LUZP2: variants seen among roughly 807,000 people sequenced by gnomAD.
LUZP2 encodes the protein leucine zipper protein 2.
A neutral mutation model predicts 51.6 loss-of-function variants in LUZP2; 52 were observed. The ratio of observed to expected loss-of-function variants is 1.01; its 90% CI spans 0.81 to 1.27. The LOEUF (loss-of-function observed/expected upper bound fraction) is 1.27. Ranked by LOEUF, LUZP2 falls within the 50% of genes most tolerant of loss-of-function variation. The pLI, the probability that LUZP2 is intolerant of heterozygous loss-of-function variation, is 0.00. For synonymous variants in LUZP2, 154 were observed against 137.3 expected, an observed-to-expected ratio of 1.12 and a Z score of -0.85; for missense variants, 436 against 395.4, an observed-to-expected ratio of 1.10 and a Z score of -0.87.
At position 25,040,343 on chromosome 11, in the gene LUZP2, A is replaced by ATTTTTT. The variant is rs57668112; in HGVS notation, c.766-9680_766-9675dup. On this transcript the variant is annotated intron_variant, in intron 9 of 11. Transcript: ENST00000336930. The stretch of plus-strand genomic sequence containing the variant: ...AGAGAGCCACTTTTCTTTCTTTCCG[A>ATTTTTT]TTTTTTTTTTTTTTTTTTTTGCCAA... Among the ~76,000 whole-genome samples, 50 of 98,816 alleles carry ATTTTTT rather than the reference A, an allele frequency of 5.1e-4. 9 individuals carry two copies. Among genetic ancestry groups the ATTTTTT allele is most frequent in the East Asian group, 4.5e-3 (19 of 4,196 alleles). The allele number at this position is 98,816 out of a possible 152,430, so 64.8% of individuals were successfully genotyped here.
At chr11:24,766,598 A>G (rs1029968123) in intron 5 of LUZP2, among the ~76,000 whole-genome samples, 3 of 152,174 alleles carry the variant, frequency 2.0e-5, no homozygotes, top group Admixed American at 6.5e-5. Flanking sequence ...TTTAAGAAAA[A>G]TCTGCATCAA....
intron 1 of LUZP2, among the ~76,000 whole-genome samples, chr11:24,562,863 CAAA>C (rs35383666): frequency 3.1e-4 from 36 of 115,538 alleles, no homozygotes; most frequent in Non-Finnish European, 3.1e-4. Flanking sequence ...CTCCATCTCT[CAAA>C]AAAAAAAAAA....
intron 6 of LUZP2, among the ~76,000 whole-genome samples, chr11:24,908,906 A>C (rs1853543878): frequency 6.6e-6 from 1 of 150,980 alleles, no homozygotes; most frequent in Non-Finnish European, 1.5e-5. Context: ...TCGGACTATT[A>C]GCCCGCCACC....
At chr11:24,518,439 A>G (rs932336002) in intron 1 of LUZP2, among the ~76,000 whole-genome samples, 1 of 152,108 alleles carries the variant, frequency 6.6e-6, no homozygotes, top group Admixed American at 6.5e-5. Context: ...ATAACAAGCT[A>G]TTTGAGGGTG....
At chr11:24,863,289 G>T (rs544596546) in intron 5 of LUZP2, among the ~76,000 whole-genome samples, 1 of 152,220 alleles carries the variant, frequency 6.6e-6, no homozygotes, top group Non-Finnish European at 1.5e-5. Flanking sequence ...TAGCCTAAAA[G>T]TGGAAGCAAA....
At chr11:24,844,093 G>T (rs1173090356) in intron 5 of LUZP2, among the ~76,000 whole-genome samples, 1 of 152,166 alleles carries the variant, frequency 6.6e-6, no homozygotes, top group Non-Finnish European at 1.5e-5. Flanking sequence ...AACAGGCAAA[G>T]GTTGGAACAG....
intron 9 of LUZP2, among the ~76,000 whole-genome samples, chr11:25,025,530 C>A (rs1182641629): frequency 1.3e-5 from 2 of 152,166 alleles, no homozygotes; most frequent in Non-Finnish European, 2.9e-5. Flanking sequence ...ATTCACCCAA[C>A]AGACACATGA....
At chr11:24,804,182 CA>C (rs766860196) in intron 5 of LUZP2, among the ~76,000 whole-genome samples, 6 of 151,926 alleles carry the variant, frequency 3.9e-5, no homozygotes, top group African/African-American at 2.4e-5. Flanking sequence ...GCACAAAGAC[CA>C]AATACATTTT....
At chr11:25,006,184 G>A (rs1262128638) in intron 9 of LUZP2, among the ~76,000 whole-genome samples, 1 of 152,092 alleles carries the variant, frequency 6.6e-6, no homozygotes, top group Non-Finnish European at 1.5e-5. Context: ...GAGTCCTGAA[G>A]TTTATACTAG....
At chr11:24,786,532 CA>C in intron 5 of LUZP2, 1 of 705,904 alleles carries the variant, frequency 1.4e-6, no homozygotes, top group Non-Finnish European at 1.7e-6. Flanking sequence ...TGTATATACA[CA>C]AATATATAAT....
At chr11:24,819,068 C>T (rs1157731636) in intron 5 of LUZP2, among the ~76,000 whole-genome samples, 1 of 151,904 alleles carries the variant, frequency 6.6e-6, no homozygotes, top group Non-Finnish European at 1.5e-5. Flanking sequence ...ACAGGGAAGA[C>T]ACAATCTGGG....
chr11:24,657,847 C>A (rs1402088609), intron 1 of LUZP2, among the ~76,000 whole-genome samples: 1 of 152,024 alleles, frequency 6.6e-6, no homozygotes, highest in Non-Finnish European at 1.5e-5. Context: ...GAATAAAATA[C>A]CTAGGAATCC....
intron 1 of LUZP2, among the ~76,000 whole-genome samples, chr11:24,602,237 T>TATATATGCAAAC (rs1554961973): frequency 2.5e-5 from 1 of 39,960 alleles, no homozygotes; most frequent in Non-Finnish European, 1.3e-4. Flanking sequence ...CATATATGTG[T>TATATATGCAAAC]ATATATGTAT....
intron 5 of LUZP2, among the ~76,000 whole-genome samples, chr11:24,810,792 T>C (rs1250376265): frequency 6.6e-6 from 1 of 152,156 alleles, no homozygotes; most frequent in Non-Finnish European, 1.5e-5. Context: ...GGATAAGCCA[T>C]GAAACCATCT....
chr11:24,970,182 T>A (rs1026859974), intron 7 of LUZP2, among the ~76,000 whole-genome samples: 1 of 152,086 alleles, frequency 6.6e-6, no homozygotes, highest in African/African-American at 2.4e-5. Flanking sequence ...CTACTAGAGG[T>A]CTTGGAACAA....
chr11:24,599,400 C>T (rs1241404986), intron 1 of LUZP2, among the ~76,000 whole-genome samples: 1 of 152,068 alleles, frequency 6.6e-6, no homozygotes, highest in Non-Finnish European at 1.5e-5. Flanking sequence ...GTTTACTCTC[C>T]ACTCATGCTC....
chr11:25,057,960 A>G (rs1858735260), intron 10 of LUZP2, among the ~76,000 whole-genome samples: 1 of 152,164 alleles, frequency 6.6e-6, no homozygotes, highest in Non-Finnish European at 1.5e-5. Flanking sequence ...TATTATATCC[A>G]ACATGCATTT....
intron 1 of LUZP2, among the ~76,000 whole-genome samples, chr11:24,591,300 G>T (rs1853252467): frequency 6.6e-6 from 1 of 152,124 alleles, no homozygotes; most frequent in East Asian, 1.9e-4. Flanking sequence ...AGCCCAGGAG[G>T]TTGAGGTTAC....
At chr11:24,841,753 C>A (rs1450173064) in intron 5 of LUZP2, among the ~76,000 whole-genome samples, 1 of 152,038 alleles carries the variant, frequency 6.6e-6, no homozygotes, top group Non-Finnish European at 1.5e-5. Flanking sequence ...AGGCCTTGGG[C>A]CCTAGCAGGT....
Sources: gnomAD v4.1 joint callset for allele counts (sites outside exome capture counted in the v4.1 genomes callset) on GRCh38, gnomAD v4.1.1 for gene constraint, MANE v1.5 for transcripts, NCBI Gene and HGNC (gene_info 2026-07-23, HGNC 2026-07-21) for gene names.